The following MUC3A variants were observed in gnomAD, a reference collection of about 807,000 sequenced individuals.
The protein encoded by MUC3A is mucin 3A, cell surface associated.
In MUC3A, 109 loss-of-function variants were observed where a neutral mutation model predicts 109.0. The ratio of observed to expected loss-of-function variants is 1.00; its 90% CI spans 0.86 to 1.17. The LOEUF (loss-of-function observed/expected upper bound fraction) is 1.17. Among genes scored for constraint, MUC3A ranks in the 50% most tolerant of loss-of-function variants. The pLI, the probability that MUC3A is intolerant of heterozygous loss-of-function variation, is 0.00. For synonymous variants in MUC3A, 1,398 were observed against 981.4 expected, an observed-to-expected ratio of 1.42 and a Z score of -7.93; for missense variants, 3,537 against 2,469.4, an observed-to-expected ratio of 1.43 and a Z score of -9.16.
In MUC3A at chr7:100,958,610, C is replaced by T; in HGVS notation, c.6831C>T (p.Ile2277=). The part of the protein sequence containing the change: ...SHDTPSFTSS[I]TTSETPSHST... ...ATACTCCCAGCTTCACTTCTTCAAT[C>T]ACCACCAGTGAGACCCCCTCACACA... The change falls in exon 2 of 12, where the codon ATC becomes ATT. Residue 2277 remains isoleucine (I), a synonymous_variant. Transcript: ENST00000379458. 4.1e-6 allele frequency: 4 copies of T among 982,674 alleles called. No homozygotes were observed. The South Asian group carries it at 6.3e-5, about 15-fold the overall frequency. The allele number at this position is 982,674 out of a possible 1,614,324, so 60.9% of individuals were successfully genotyped here.
In MUC3A at chr7:100,964,651, T is replaced by C. The variant is rs368686714; in HGVS notation, c.9234-44T>C. ...CTGGAGGTGCCCCTCCAAGGACCCA[T>C]ATGTTCCTGGCTGGGGCACTCTCTA... On this transcript the variant is annotated intron_variant, in intron 5 of 11. Transcript: ENST00000379458. The C allele has an allele frequency of 6.7e-3, 3,878 of 577,266 alleles. No individual in the cohort carries two copies. In the African/African-American group the frequency reaches 0.1, roughly 15 times the overall value. 35.8% of individuals were successfully genotyped at this position (577,266 alleles called of 1,614,324 possible).
At chr7:100,965,623 T>C in intron 7 of MUC3A, 81 bp from the exon 8 acceptor site, 2 of 1,539,698 alleles carry the variant, frequency 1.3e-6, no homozygotes, top group Non-Finnish European at 1.7e-6. Flanking sequence ...TCCTCGCGCA[T>C]ATTCAGAGGC....
At chr7:100,965,671 T>G in intron 7 of MUC3A, 33 bp from the exon 8 acceptor site, 1 of 1,584,622 alleles carries the variant, frequency 6.3e-7, no homozygotes, top group Admixed American at 1.7e-5. Context: ...GATGAGGTCC[T>G]TGTCTCTGTG....
rs777390370 is a variant in MUC3A at position 100,959,614 on chromosome 7, A to G, written c.7835A>G (p.His2612Arg). Residue 2612 changes from histidine to arginine, a missense_variant, in exon 2 of 12, where the codon CAT (histidine) becomes CGT (arginine). His to Arg is a conservative substitution (Grantham distance 29). Coordinates refer to ENST00000379458, the MANE Select transcript of MUC3A (RefSeq NM_005960.2). Reference protein sequence around the residue: ...GSTDSSTSTLHTLTPSTALST... With the variant: ...GSTDSSTSTLRTLTPSTALST... ...ACGGATTCCTCCACGTCCACTCTTC[A>G]TACTCTTACTCCATCAACAGCCTTG... 16 of 1,598,382 alleles carry G rather than the reference A, an allele frequency of 1.0e-5. No individual in the cohort carries two copies. Among genetic ancestry groups the G allele is most frequent in the Admixed American group, 3.3e-5 (2 of 60,016 alleles).
At chr7:100,963,823 C>T (rs1234654839) in intron 5 of MUC3A, 71 bp downstream of exon 5, 1 of 1,585,098 alleles carries the variant, frequency 6.3e-7, no homozygotes, top group African/African-American at 1.3e-5. Context: ...AAAACCCATT[C>T]CTTTCTTTTG....
chr7:100,965,729 G>C lies in MUC3A; in HGVS notation c.9474G>C (p.Thr3158=), dbSNP rs200682970. The C allele has an allele frequency of 5.0e-6, 8 of 1,597,208 alleles. No individual in the cohort carries two copies. Among genetic ancestry groups the C allele is most frequent in the Admixed American group, 1.7e-5 (1 of 59,922 alleles). The part of the protein sequence containing the change: ...PAAICRRAAP[T]GYEEFYFPLV... ...CCATCTGCCGCCGCGCCGCTCCCAC[G>C]GGCTATGAAGAGTTCTACTTCCCCT... The change falls in exon 8 of 12, where the codon ACG becomes ACC. Residue 3158 remains threonine (T), a synonymous_variant. Transcript: ENST00000379458.
Position 100,967,215 on chromosome 7 carries a change from C to G in MUC3A, c.*53C>G. On this transcript the variant is annotated 3_prime_UTR_variant, in exon 12 of 12. Transcript: ENST00000379458. ...TCCGCCCTGCCCCGGACACAAGGGTCTGCATTGCGTCCATTTCAAGAGGTG... is the reference window on the plus strand; with the variant it reads ...TCCGCCCTGCCCCGGACACAAGGGTGTGCATTGCGTCCATTTCAAGAGGTG... The G allele has an allele frequency of 2.5e-6, 4 of 1,596,790 alleles. No individual in the cohort carries two copies. The highest frequency in any genetic ancestry group is 2.5e-6 in the Non-Finnish European group (3 of 1,178,818).
In MUC3A at chr7:100,951,831, G is replaced by A. The variant is rs375958105; in HGVS notation, c.62-10G>A. The A allele has an allele frequency of 3.3e-5, 52 of 1,594,284 alleles. No individual in the cohort carries two copies. The Middle Eastern group carries it at 5.0e-4, about 15-fold the overall frequency. On this transcript the variant is annotated splice_polypyrimidine_tract_variant and intron_variant, in intron 1 of 11. Coordinates refer to ENST00000379458, the MANE Select transcript of MUC3A (RefSeq NM_005960.2). Reference sequence around the variant, plus strand: ...TACCAGTGGATTCCTCTGCTCTGCCGCCAATGCAGGAACTTTATCCACGGC... The same window carrying A: ...TACCAGTGGATTCCTCTGCTCTGCCACCAATGCAGGAACTTTATCCACGGC...
chr7:100,963,212 C>T lies in MUC3A; in HGVS notation c.9114C>T (p.Leu3038=). The T allele has an allele frequency of 6.3e-7, 1 of 1,598,368 alleles. No homozygotes were observed. Among genetic ancestry groups the T allele is most frequent in the South Asian group, 1.1e-5 (1 of 91,022 alleles). Residue 3038 remains leucine (L), a synonymous_variant, in exon 4 of 12, where the codon CTC becomes CTT. Coordinates refer to ENST00000379458, the MANE Select transcript of MUC3A (RefSeq NM_005960.2). ...TGGATCAGCAGTTCTCGCCGGACCTCAATGACAACACTTCCCAGGCCTACA... is the reference window on the plus strand; with the variant it reads ...TGGATCAGCAGTTCTCGCCGGACCTTAATGACAACACTTCCCAGGCCTACA... ...VSVDQQFSPD[L]NDNTSQAYRD...
chr7:100,964,981 CACA>C, intron 6 of MUC3A, 138 bp downstream of exon 6: 3 of 1,356,898 alleles, frequency 2.2e-6, no homozygotes, highest in South Asian at 1.5e-5. Flanking sequence ...TAAGTCCACA[CACA>C]ACGGTGTCAA....
At chr7:100,966,258 T>TTGTA in intron 8 of MUC3A, 128 bp from the exon 9 acceptor site, 1 of 423,140 alleles carries the variant, frequency 2.4e-6, no homozygotes, top group South Asian at 1.6e-4. Flanking sequence ...CAGCCCCTTG[T>TTGTA]CTAGGGTGGA....
chr7:100,966,565 C>A lies in MUC3A; in HGVS notation c.9785+6C>A. On this transcript the variant is annotated splice_donor_region_variant and intron_variant, in intron 9 of 11. Coordinates refer to ENST00000379458, the MANE Select transcript of MUC3A (RefSeq NM_005960.2). Reference sequence around the variant, plus strand: ...GGCGGCCAGCGCCGAGGCCGGTGAGCGTGCGGGGGGCGGGGCCGGGGGGCG... The same window carrying A: ...GGCGGCCAGCGCCGAGGCCGGTGAGAGTGCGGGGGGCGGGGCCGGGGGGCG... 2 of 1,438,992 alleles carry A rather than the reference C, an allele frequency of 1.4e-6. No individual in the cohort carries two copies. The highest frequency in any genetic ancestry group is 2.5e-5 in the East Asian group (1 of 39,724). The allele number at this position is 1,438,992 out of a possible 1,614,324, so 89.1% of individuals were successfully genotyped here.
Position 100,966,522 on chromosome 7 carries a change from G to T in MUC3A, c.9748G>T (p.Val3250Leu). 1 of 1,321,986 alleles carries T rather than the reference G, an allele frequency of 7.6e-7. No homozygotes were observed. Among genetic ancestry groups the T allele is most frequent in the South Asian group, 2.4e-5 (1 of 42,122 alleles). 81.9% of individuals were successfully genotyped at this position (1,321,986 alleles called of 1,614,324 possible). The change falls in exon 9 of 12, where the codon GTG (valine) becomes TTG (leucine). Residue 3250 changes from valine (V) to leucine (L), a missense_variant. Val to Leu is a conservative substitution (Grantham distance 32). Transcript: ENST00000379458. Reference protein sequence around the residue: ...LLLLALGVRAVRSGWWGGQRR... With the variant: ...LLLLALGVRALRSGWWGGQRR... ...GCTGCTGGCGCTGGGCGTCCGGGCG[G>T]TGCGCTCCGGATGGTGGGGCGGCCA...
Position 100,959,925 on chromosome 7 carries a change from A to G in MUC3A, c.8146A>G (p.Ile2716Val), listed in dbSNP as rs531186064. The change falls in exon 2 of 12, where the codon ATT (isoleucine) becomes GTT (valine). Residue 2716 changes from isoleucine (I) to valine (V), a missense_variant. Transcript: ENST00000379458. Reference protein sequence around the residue: ...TIHSVPSSPYIFSTENVGSAS... With the variant: ...TIHSVPSSPYVFSTENVGSAS... The stretch of plus-strand genomic sequence containing the variant: ...TCATTCTGTTCCTTCTTCACCATAC[A>G]TTTTCAGTACAGAAAATGTGGGCTC... 5.6e-4 allele frequency: 854 copies of G among 1,513,782 alleles called. No homozygotes were observed. In the South Asian group the frequency reaches 9.6e-3, roughly 17 times the overall value. The allele number at this position is 1,513,782 out of a possible 1,614,324, so 93.8% of individuals were successfully genotyped here.
In MUC3A at chr7:100,967,468, A is replaced by T. The variant is rs7804862; in HGVS notation, c.*306A>T. 6.7e-3 allele frequency: 3,853 copies of T among 575,154 alleles called. No homozygotes were observed. The African/African-American group carries it at 0.067, about 10-fold the overall frequency. 35.6% of individuals were successfully genotyped at this position (575,154 alleles called of 1,614,324 possible). On this transcript the variant is annotated 3_prime_UTR_variant, in exon 12 of 12. Coordinates refer to ENST00000379458, the MANE Select transcript of MUC3A (RefSeq NM_005960.2). ...TATGATAGCTCACGCCGTTGTTGTGAAAACCACATAGACTTGGTCAATTCT... is the reference window on the plus strand; with the variant it reads ...TATGATAGCTCACGCCGTTGTTGTGTAAACCACATAGACTTGGTCAATTCT...
At position 100,959,501 on chromosome 7, in the gene MUC3A, T is replaced by C; in HGVS notation, c.7722T>C (p.Pro2574=). The C allele has an allele frequency of 6.3e-7, 1 of 1,586,470 alleles. No homozygotes were observed. The highest frequency in any genetic ancestry group is 1.7e-5 in the Admixed American group (1 of 58,206). Residue 2574 remains proline (P), a synonymous_variant, in exon 2 of 12, where the codon CCT becomes CCC. Coordinates refer to ENST00000379458, the MANE Select transcript of MUC3A (RefSeq NM_005960.2). ...SSFSTSIVVI[P]ETPTQTPPVL... is the part of the protein sequence containing the mutation. ...TTAGCACAAGTATTGTTGTTATACC[T>C]GAAACCCCAACACAGACCCCTCCTG...
At position 100,949,554 on chromosome 7, in the gene MUC3A, C is replaced by T; in HGVS notation, c.-71C>T. 7.7e-7 allele frequency: 1 copy of T among 1,300,606 alleles called. No individual in the cohort carries two copies. Among genetic ancestry groups the T allele is most frequent in the Non-Finnish European group, 9.9e-7 (1 of 1,013,450 alleles). 80.6% of individuals were successfully genotyped at this position (1,300,606 alleles called of 1,614,324 possible). On this transcript the variant is annotated 5_prime_UTR_variant, in exon 1 of 12. Coordinates refer to ENST00000379458, the MANE Select transcript of MUC3A (RefSeq NM_005960.2). ...CCAGCACTTTCATTACGTGCACGCCCCAGGGCCACGTCCCTGCCGCTGTCT... is the reference window on the plus strand; with the variant it reads ...CCAGCACTTTCATTACGTGCACGCCTCAGGGCCACGTCCCTGCCGCTGTCT...
rs1584815506 is a variant in MUC3A at position 100,967,262 on chromosome 7, A to G, written c.*100A>G. 2 of 1,544,382 alleles carry G rather than the reference A, an allele frequency of 1.3e-6. No homozygotes were observed. The highest frequency in any genetic ancestry group is 4.7e-5 in the East Asian group (2 of 42,828). The stretch of plus-strand genomic sequence containing the variant: ...GGTGGCCCCAGGACGCGGGCAGCCC[A>G]GGCTCCTGCTGTTCTTGGGCAAGAT... On this transcript the variant is annotated 3_prime_UTR_variant, in exon 12 of 12. Transcript: ENST00000379458.
chr7:100,955,606 C>G lies in MUC3A; in HGVS notation c.3827C>G (p.Ser1276Cys). Residue 1276 changes from serine (S) to cysteine (C), a missense_variant, in exon 2 of 12, where the codon TCC becomes TGC. By Grantham distance (112) the Ser-to-Cys change is moderately radical. Transcript: ENST00000379458. Reference sequence around the variant, plus strand: ...AGTACTGACAGCACTCTAACAAGTTCCCTCCTGACGACCTTCCCAAGTACA... The same window carrying G: ...AGTACTGACAGCACTCTAACAAGTTGCCTCCTGACGACCTTCCCAAGTACA... ...ITSTDSTLTS[S>C]LLTTFPSTYS... 4.5e-6 allele frequency: 2 copies of G among 447,672 alleles called. No homozygotes were observed. 27.7% of individuals were successfully genotyped at this position (447,672 alleles called of 1,614,324 possible). A position where few individuals can be genotyped will look rare whatever the true frequency, so the allele number is the denominator to read the frequency against.
Sources: gnomAD v4.1 joint callset for allele counts on GRCh38, gnomAD v4.1.1 for gene constraint, MANE v1.5 for transcripts, NCBI Gene and HGNC (gene_info 2026-07-23, HGNC 2026-07-21) for gene names.